EYS: variants seen among roughly 807,000 people sequenced by gnomAD.
The protein encoded by EYS is protein eyes shut homolog.
A neutral mutation model predicts 282.1 loss-of-function variants in EYS; 250 were observed. The observed-to-expected ratio is 0.89, with a 90% CI of 0.80 to 0.98. The LOEUF (loss-of-function observed/expected upper bound fraction) is 0.98, where lower values mean the gene tolerates loss of function less well. Ranked by LOEUF, EYS falls within the 50% of genes least tolerant of loss-of-function variation. The pLI is 0.00. For missense variants in EYS, 4,016 were observed against 3,709.0 expected, an observed-to-expected ratio of 1.08 and a Z score of -2.15; for synonymous variants, 1,355 against 1,282.9, an observed-to-expected ratio of 1.06 and a Z score of -1.20.
chr6:63,720,789 T>C lies in EYS; in HGVS notation c.9242A>G (p.Tyr3081Cys). 3 of 1,550,992 alleles carry C rather than the reference T, an allele frequency of 1.9e-6. No individual in the cohort carries two copies. Among genetic ancestry groups the C allele is most frequent in the South Asian group, 2.4e-5 (2 of 84,036 alleles). ...DPHKNFVALN[Y>C]DGICYLGGFE... The stretch of plus-strand genomic sequence containing the variant: ...GCCCCCTAGATAACAAATGCCATCA[T>C]AGTTTAGAGCCACAAAGTTTTTATG... The change falls in exon 43 of 43, where the codon TAT becomes TGT. Residue 3081 changes from tyrosine (Y) to cysteine (C), a missense_variant. Physicochemically the swap from Tyr to Cys is radical, Grantham distance 194 (BLOSUM62 -2). Coordinates refer to ENST00000503581, the MANE Select transcript of EYS (RefSeq NM_001142800.2).
chr6:65,005,441 G>A (rs1316125670), intron 13 of EYS, among the ~76,000 whole-genome samples: 7 of 147,428 alleles, frequency 4.7e-5, no homozygotes, highest in African/African-American at 1.5e-4. Context: ...CACCATCTTG[G>A]AAGCGGGTCA....
At chr6:64,129,738 T>C (rs1020936058) in intron 31 of EYS, among the ~76,000 whole-genome samples, 4 of 152,198 alleles carry the variant, frequency 2.6e-5, no homozygotes, top group Non-Finnish European at 5.9e-5. Context: ...TGCCTAGGTT[T>C]TTTTCTAGGG....
chr6:64,503,380 A>T (rs1777112848), intron 26 of EYS, among the ~76,000 whole-genome samples: 1 of 152,142 alleles, frequency 6.6e-6, no homozygotes, highest in Non-Finnish European at 1.5e-5. Flanking sequence ...ATTCTGGGGG[A>T]TCTGAATCAA....
At chr6:64,985,949 T>C (rs1228721882) in intron 14 of EYS, among the ~76,000 whole-genome samples, 2 of 151,664 alleles carry the variant, frequency 1.3e-5, no homozygotes, top group Admixed American at 6.6e-5. Flanking sequence ...CTTATCACGT[T>C]TTCCAGAATC....
At chr6:65,444,098 A>G (rs940630970) in intron 5 of EYS, among the ~76,000 whole-genome samples, 3 of 152,022 alleles carry the variant, frequency 2.0e-5, no homozygotes, top group African/African-American at 4.8e-5. Context: ...GACATTAATT[A>G]TATGCATATT....
At chr6:64,428,158 A>G (rs1358469695) in intron 28 of EYS, among the ~76,000 whole-genome samples, 1 of 152,188 alleles carries the variant, frequency 6.6e-6, no homozygotes, top group African/African-American at 2.4e-5. Context: ...GTTTCTCTTA[A>G]TAAGATAACC....
intron 30 of EYS, among the ~76,000 whole-genome samples, chr6:64,250,167 GATTT>G (rs1390742908): frequency 6.6e-6 from 1 of 152,146 alleles, no homozygotes; most frequent in Non-Finnish European, 1.5e-5. Context: ...CTCCAGATCT[GATTT>G]ATTATTTTGA....
chr6:64,139,708 C>T (rs1336633412), intron 31 of EYS, among the ~76,000 whole-genome samples: 6 of 151,952 alleles, frequency 3.9e-5, no homozygotes, highest in African/African-American at 1.2e-4. Context: ...CGGTGGCTCA[C>T]GTCTGTAATC....
At chr6:64,203,849 CA>C (rs1765543982) in intron 31 of EYS, among the ~76,000 whole-genome samples, 1 of 152,002 alleles carries the variant, frequency 6.6e-6, no homozygotes, top group African/African-American at 2.4e-5. Context: ...TACGAATGAA[CA>C]AGTACTTTGA....
chr6:65,683,769 C>T (rs1367857605), intron 1 of EYS, among the ~76,000 whole-genome samples: 1 of 151,980 alleles, frequency 6.6e-6, no homozygotes, highest in African/African-American at 2.4e-5. Context: ...ATATTTTCTT[C>T]CACAACCCAC....
chr6:65,295,949 T>C lies in EYS; in HGVS notation c.1937A>G (p.Asp646Gly). 3 of 1,551,136 alleles carry C rather than the reference T, an allele frequency of 1.9e-6. No homozygotes were observed. Among genetic ancestry groups the C allele is most frequent in the Middle Eastern group, 1.7e-4 (1 of 5,994 alleles). The change falls in exon 12 of 43, where the codon GAC (aspartate) becomes GGC (glycine). Residue 646 changes from aspartate (D) to glycine (G), a missense_variant. By Grantham distance (94) the Asp-to-Gly change is moderately conservative. Transcript: ENST00000503581. Reference protein sequence around the residue: ...ERNICEIDTEDCKSASCKNGT... With the variant: ...ERNICEIDTEGCKSASCKNGT... ...ATTTTTGCAGGACGCAGATTTGCAG[T>C]CTTCAGTATCTATCTCACAGATGTT...
At chr6:63,803,743 C>A (rs1236586193) in intron 37 of EYS, among the ~76,000 whole-genome samples, 1 of 152,130 alleles carries the variant, frequency 6.6e-6, no homozygotes. Context: ...AGACACTGGG[C>A]TAAGCATGGG....
chr6:64,475,611 G>C (rs1320579093), intron 26 of EYS, among the ~76,000 whole-genome samples: 1 of 151,332 alleles, frequency 6.6e-6, no homozygotes, highest in East Asian at 1.9e-4. Flanking sequence ...ACAGTTCCTG[G>C]CACATAGAAA....
intron 11 of EYS, chr6:65,331,348 G>GT (rs1769790108): frequency 2.4e-5 from 17 of 718,302 alleles, no homozygotes; most frequent in Non-Finnish European, 2.9e-5. Flanking sequence ...TATATAGAGG[G>GT]TCTTTTTAAT....
At chr6:65,249,106 T>G (rs550082159) in intron 12 of EYS, among the ~76,000 whole-genome samples, 22 of 146,556 alleles carry the variant, frequency 1.5e-4, no homozygotes, top group Admixed American at 5.4e-4. Flanking sequence ...ATGAACAAAC[T>G]GTGGAATAAA....
chr6:64,488,689 T>C (rs1477360300), intron 26 of EYS, among the ~76,000 whole-genome samples: 2 of 150,948 alleles, frequency 1.3e-5, no homozygotes, highest in Non-Finnish European at 3.0e-5. Context: ...TTAAAACAAA[T>C]TATCTGCTTA....
chr6:65,678,506 G>C (rs1768705397), intron 1 of EYS, among the ~76,000 whole-genome samples: 1 of 151,944 alleles, frequency 6.6e-6, no homozygotes, highest in South Asian at 2.1e-4. Flanking sequence ...AAAATTCCCA[G>C]AGGAAAACAT....
chr6:64,861,081 G>T (rs771497860), intron 19 of EYS, among the ~76,000 whole-genome samples: 1 of 152,160 alleles, frequency 6.6e-6, no homozygotes. Flanking sequence ...GGCTTCACTG[G>T]GTACCTGCCC....
intron 35 of EYS, among the ~76,000 whole-genome samples, chr6:63,951,829 A>G (rs561133984): frequency 6.6e-6 from 1 of 152,274 alleles, no homozygotes; most frequent in African/African-American, 2.4e-5. Flanking sequence ...TTTCACCAAA[A>G]ATAAAAACCC....
Sources: allele counts gnomAD v4.1 joint callset (sites outside exome capture counted in the v4.1 genomes callset), GRCh38; gene constraint gnomAD v4.1.1; transcripts MANE v1.5; gene names NCBI Gene and HGNC (gene_info 2026-07-23, HGNC 2026-07-21).